The following RANGAP1 variants were observed in gnomAD, a reference collection of about 807,000 sequenced individuals.
RANGAP1 encodes Ran GTPase activating protein 1.
A neutral mutation model predicts 63.5 loss-of-function variants in RANGAP1; 38 were observed. That is an observed-to-expected ratio of 0.60 (90% CI 0.46 to 0.78). RANGAP1 has a LOEUF of 0.78. RANGAP1 is among the 30% of genes least tolerant of loss of function. The pLI, the probability that RANGAP1 is intolerant of heterozygous loss-of-function variation, is 0.00. For missense variants in RANGAP1, 630 were observed against 740.3 expected (o/e 0.85, Z 1.73); for synonymous variants, 329 against 310.5 (o/e 1.06, Z -0.63).
At chr22:41,270,627 T>C (rs1007208132) in intron 3 of RANGAP1, among the ~76,000 whole-genome samples, 1 of 152,240 alleles carries the variant, frequency 6.6e-6, no homozygotes, top group Admixed American at 6.5e-5. Flanking sequence ...TTTGTATCTT[T>C]TGTAGAGTTG....
At chr22:41,300,815 C>T in the RANGAP1 span, among the ~76,000 whole-genome samples, 2 of 151,358 alleles carry the variant, frequency 1.3e-5, no homozygotes, top group Non-Finnish European at 2.9e-5. Context: ...CCACCATTCC[C>T]CAGGTGATGT....
intron 1 of RANGAP1, chr22:41,281,734 C>T: frequency 1.5e-6 from 1 of 685,432 alleles, no homozygotes; most frequent in Admixed American, 6.3e-5. Flanking sequence ...GGGCTGCTAC[C>T]TATGAAGCCC....
intron 4 of RANGAP1, among the ~76,000 whole-genome samples, 197 bp downstream of exon 4, chr22:41,267,898 CCT>C (rs1366715267): frequency 3.3e-5 from 5 of 152,160 alleles, no homozygotes; most frequent in South Asian, 2.1e-4. Flanking sequence ...GGGTTCCTCC[CCT>C]GTCAGTCTCT....
Position 41,265,930 on chromosome 22 carries a change from C to T in RANGAP1, c.301-1087G>A, listed in dbSNP as rs369908348. On this transcript the variant is annotated intron_variant, in intron 4 of 15. Transcript: ENST00000356244. ...AAGCCTAGCCCCTGGTGGCTGGGTG[C>T]GGTGGCTCACGCCTGTAATCCCAGC... is the stretch of plus-strand genomic sequence containing the variant. 4.1e-4 allele frequency among the ~76,000 whole-genome samples: 62 copies of T among 151,556 alleles called. 1 individual carries two copies. The South Asian group carries it at 0.012, about 30-fold the overall frequency.
intron 1 of RANGAP1, chr22:41,281,313 C>T (rs9611542): frequency 0.31 from 236,729 of 758,166 alleles, 40,602 homozygotes; most frequent in Admixed American, 0.51. Flanking sequence ...AAGAAGCTAC[C>T]ATCTCATTAC....
chr22:41,279,487 A>G lies in RANGAP1; in HGVS notation c.112+1446T>C, dbSNP rs182885466. 2.0e-5 allele frequency among the ~76,000 whole-genome samples: 3 copies of G among 151,330 alleles called. No individual in the cohort carries two copies. In the East Asian group the frequency reaches 5.9e-4, roughly 30 times the overall value. ...TCCATCTCAAAAAAAAAACAAAAAG[A>G]AAAGAAAATTAGCTGGGCATGGTTG... On this transcript the variant is annotated intron_variant, in intron 2 of 15. Transcript: ENST00000356244.
chr22:41,250,868 G>A (rs752365289), intron 13 of RANGAP1, 139 bp downstream of exon 13: 30 of 659,934 alleles, frequency 4.5e-5, no homozygotes, highest in East Asian at 8.0e-5. Flanking sequence ...GGACCCTGAC[G>A]GAGGAAAAAC....
chr22:41,294,236 T>C, the RANGAP1 span, among the ~76,000 whole-genome samples: 6 of 152,232 alleles, frequency 3.9e-5, no homozygotes, highest in Admixed American at 2.6e-4. Context: ...ATTTTTTTGG[T>C]GGAGACGGGG....
At chr22:41,283,892 G>A (rs942529598) in intron 1 of RANGAP1, among the ~76,000 whole-genome samples, 2 of 136,180 alleles carry the variant, frequency 1.5e-5, no homozygotes, top group African/African-American at 2.5e-5. Flanking sequence ...CACTCTACTT[G>A]CCACATAGAG....
intron 15 of RANGAP1, among the ~76,000 whole-genome samples, chr22:41,248,466 G>A (rs908803233): frequency 3.9e-5 from 6 of 152,320 alleles, no homozygotes; most frequent in East Asian, 1.9e-4. Flanking sequence ...CGCCAGCCCC[G>A]CCTCCCCACA....
At chr22:41,285,457 A>G in intron 1 of RANGAP1, 1 of 969,212 alleles carries the variant, frequency 1.0e-6, no homozygotes, top group Non-Finnish European at 1.2e-6. Context: ...GGGCTAATAG[A>G]GAAACATCCT....
the RANGAP1 span, among the ~76,000 whole-genome samples, chr22:41,295,115 G>T: frequency 6.7e-6 from 1 of 148,850 alleles, no homozygotes; most frequent in Non-Finnish European, 1.5e-5. Flanking sequence ...CCCCGTCCGG[G>T]AGGTGAGGGG....
the RANGAP1 span, among the ~76,000 whole-genome samples, chr22:41,292,945 A>T: frequency 6.7e-6 from 1 of 149,720 alleles, no homozygotes. Flanking sequence ...CTCTACAAAA[A>T]AATTGTCTAG....
intron 3 of RANGAP1, among the ~76,000 whole-genome samples, chr22:41,269,279 T>C (rs150663319): frequency 7.2e-5 from 11 of 152,026 alleles, no homozygotes; most frequent in African/African-American, 2.7e-4. Context: ...TTCATAAAGA[T>C]AGTAGATTGG....
At chr22:41,254,254 G>A in intron 11 of RANGAP1, 54 bp downstream of exon 11, 4 of 1,605,108 alleles carry the variant, frequency 2.5e-6, no homozygotes, top group Non-Finnish European at 3.4e-6. Flanking sequence ...AGTGCCTCGG[G>A]ATTTCACGTT....
rs2145725483 is a variant in RANGAP1, at chr22:41,258,111, G to A, written c.616-5C>T. On this transcript the variant is annotated splice_region_variant and splice_polypyrimidine_tract_variant and intron_variant, in intron 6 of 15. Transcript: ENST00000356244. ...CTCCTCCAGGGTCCCGATGACCTGT[G>A]AAGAGGAGGCAGAGAGTGGAGGGGG... 1.3e-6 allele frequency: 2 copies of A among 1,596,762 alleles called. No individual in the cohort carries two copies. Among genetic ancestry groups the A allele is most frequent in the South Asian group, 1.1e-5 (1 of 89,334 alleles).
chr22:41,298,738 C>T, the RANGAP1 span, among the ~76,000 whole-genome samples: 7 of 152,136 alleles, frequency 4.6e-5, no homozygotes, highest in Admixed American at 6.6e-5. Context: ...TGGGCTCAAG[C>T]GATCTGCCCA....
chr22:41,297,962 C>T, the RANGAP1 span, among the ~76,000 whole-genome samples: 3 of 151,848 alleles, frequency 2.0e-5, no homozygotes, highest in Non-Finnish European at 2.9e-5. Context: ...TGGGTTCAAG[C>T]GTTTCTTGTT....
chr22:41,277,325 G>A (rs183105450), intron 2 of RANGAP1: 13 of 376,570 alleles, frequency 3.5e-5, no homozygotes, highest in South Asian at 1.1e-4. Context: ...TGATCCGCCC[G>A]CCTCGGCCTC....
Sources: gnomAD v4.1 joint callset for allele counts (sites outside exome capture counted in the v4.1 genomes callset) on GRCh38, gnomAD v4.1.1 for gene constraint, MANE v1.5 for transcripts, NCBI Gene and HGNC (gene_info 2026-07-23, HGNC 2026-07-21) for gene names.